BDP1: variants seen among roughly 807,000 people sequenced by gnomAD.
The protein encoded by BDP1 is BDP1 general transcription factor IIIB subunit.
In BDP1, 169 loss-of-function variants were observed where a neutral mutation model predicts 266.6. That is an observed-to-expected ratio of 0.63 (90% CI 0.56 to 0.72). The LOEUF (loss-of-function observed/expected upper bound fraction) is 0.72. BDP1 is among the 30% of genes least tolerant of loss of function. The pLI is 0.00. For synonymous variants in BDP1, 1,090 were observed against 1,022.4 expected, an observed-to-expected ratio of 1.07 and a Z score of -1.26; for missense variants, 3,015 against 3,053.8, an observed-to-expected ratio of 0.99 and a Z score of 0.30.
intron 33 of BDP1, 53 bp from the exon 34 acceptor site, chr5:71,549,367 C>A: frequency 7.6e-7 from 1 of 1,320,858 alleles, no homozygotes; most frequent in Non-Finnish European, 1.1e-6. Context: ...ATTAATGATA[C>A]TCTGTTATTT....
intron 29 of BDP1, 98 bp from the exon 30 acceptor site, chr5:71,542,007 T>C: frequency 1.0e-6 from 1 of 958,206 alleles, no homozygotes; most frequent in Non-Finnish European, 1.5e-6. Flanking sequence ...GTGTGGCACC[T>C]AACAGGTCAT....
chr5:71,533,053 T>C (rs276595), intron 26 of BDP1, among the ~76,000 whole-genome samples: 72,942 of 152,076 alleles, frequency 0.48, 17,767 homozygotes, highest in South Asian at 0.55. Flanking sequence ...TGTCTGGCTT[T>C]TTTCACTTAA....
At chr5:71,479,633 G>A (rs890694412) in intron 7 of BDP1, among the ~76,000 whole-genome samples, 16 of 151,168 alleles carry the variant, frequency 1.1e-4, no homozygotes, top group African/African-American at 3.2e-4. Context: ...TGCAAGCTCC[G>A]CCTCCCGGGT....
the BDP1 span, among the ~76,000 whole-genome samples, chr5:71,574,296 G>T: frequency 2.0e-5 from 3 of 152,168 alleles, no homozygotes; most frequent in Non-Finnish European, 2.9e-5. Flanking sequence ...CTTTGTCCTC[G>T]CTGTAACAAA....
chr5:71,538,333 T>C (rs1191652321), intron 26 of BDP1, among the ~76,000 whole-genome samples: 4 of 152,172 alleles, frequency 2.6e-5, no homozygotes, highest in African/African-American at 9.7e-5. Flanking sequence ...AGGTGGGACC[T>C]TGGGGACTGG....
intron 1 of BDP1, among the ~76,000 whole-genome samples, chr5:71,458,308 AG>A (rs539183173): frequency 2.0e-3 from 303 of 152,148 alleles, no homozygotes; most frequent in Non-Finnish European, 3.4e-3. Context: ...ATTTGTTTTG[AG>A]GGGGGTAAGC....
Position 71,466,111 on chromosome 5 carries a change from T to G in BDP1, c.675T>G (p.Ser225Arg), listed in dbSNP as rs369514992. 5.0e-5 allele frequency: 80 copies of G among 1,613,552 alleles called. No homozygotes were observed. The highest frequency in any genetic ancestry group is 6.3e-5 in the Non-Finnish European group (74 of 1,179,738). The change falls in exon 5 of 39, where the codon AGT (serine) becomes AGG (arginine). Residue 225 changes from serine to arginine, a missense_variant. Ser to Arg is a moderately radical substitution (Grantham distance 110). Coordinates refer to ENST00000358731, the MANE Select transcript of BDP1 (RefSeq NM_018429.3). Reference protein sequence around the residue: ...PVQTREQEGKSTPNAEDNEME... With the variant: ...PVQTREQEGKRTPNAEDNEME... Reference sequence around the variant, plus strand: ...TATGTGGTAGGCAAGAAGGTAAGAGTACTCCTAATGCTGAAGATAATGAAA... The same window carrying G: ...TATGTGGTAGGCAAGAAGGTAAGAGGACTCCTAATGCTGAAGATAATGAAA...
chr5:71,568,645 C>CA (rs1245381126), downstream of BDP1, among the ~76,000 whole-genome samples: 2 of 152,222 alleles, frequency 1.3e-5, no homozygotes, highest in Non-Finnish European at 2.9e-5. Context: ...CCCATGTCCT[C>CA]AGACCACTAG....
intron 36 of BDP1, 22 bp from the exon 37 acceptor site, chr5:71,559,960 C>T (rs1235173271): frequency 2.5e-6 from 4 of 1,610,144 alleles, no homozygotes; most frequent in Non-Finnish European, 3.4e-6. Flanking sequence ...TCCTTGCTTT[C>T]CATTTGCTCT....
At chr5:71,528,781 A>G (rs1396492134) in intron 25 of BDP1, among the ~76,000 whole-genome samples, 1 of 152,242 alleles carries the variant, frequency 6.6e-6, no homozygotes, top group African/African-American at 2.4e-5. Context: ...TAAAGATAGT[A>G]AATGTAAGCA....
chr5:71,482,673 T>A (rs1381763537), intron 7 of BDP1, among the ~76,000 whole-genome samples: 1 of 152,234 alleles, frequency 6.6e-6, no homozygotes, highest in Non-Finnish European at 1.5e-5. Context: ...TAGCACTGTT[T>A]TAGAATTAAA....
intron 31 of BDP1, 84 bp from the exon 32 acceptor site, chr5:71,544,955 G>A: frequency 9.7e-7 from 1 of 1,034,216 alleles, no homozygotes; most frequent in Non-Finnish European, 1.4e-6. Flanking sequence ...CATTGAATTA[G>A]ATGATCTTTT....
intron 22 of BDP1, among the ~76,000 whole-genome samples, chr5:71,521,622 T>C (rs975416301): frequency 6.6e-6 from 1 of 152,172 alleles, no homozygotes; most frequent in African/African-American, 2.4e-5. Context: ...CTAATTCAGA[T>C]CTTTGCCAGT....
intron 9 of BDP1, among the ~76,000 whole-genome samples, chr5:71,487,325 T>C (rs1038287965): frequency 2.0e-5 from 3 of 152,102 alleles, no homozygotes; most frequent in Non-Finnish European, 2.9e-5. Context: ...CACTGCAAGC[T>C]CCGCCTTCCG....
rs752724869 is a variant in BDP1, at chr5:71,522,980, A to G, written c.5387+31A>G. ...ATTTTATTTAACAAAATGTTTCACA[A>G]TAAGAAATAAAAATCACTTAACTTT... On this transcript the variant is annotated intron_variant, in intron 24 of 38. Coordinates refer to ENST00000358731, the MANE Select transcript of BDP1 (RefSeq NM_018429.3). 7 of 1,527,076 alleles carry G rather than the reference A, an allele frequency of 4.6e-6. No individual in the cohort carries two copies. In the Admixed American group the frequency reaches 8.7e-5, roughly 19 times the overall value. The allele number at this position is 1,527,076 out of a possible 1,614,324, so 94.6% of individuals were successfully genotyped here.
chr5:71,522,306 A>G lies in BDP1; in HGVS notation c.5009A>G (p.Tyr1670Cys), dbSNP rs867126360. ...CATTCTAGACATGAAAATAAACCGT[A>G]TGTTCCTAGTTCAGCACAAATGACA... ...NETIRHENKP[Y>C]VPSSAQMTRR... The change falls in exon 23 of 39, where the codon TAT becomes TGT. Residue 1670 changes from tyrosine (Y) to cysteine (C), a missense_variant. Physicochemically the swap from Tyr to Cys is radical, Grantham distance 194. This residue lies in a region of BDP1 where 2,383 missense variants were observed against 2,404.9 expected (regional missense o/e 0.99). Coordinates refer to ENST00000358731, the MANE Select transcript of BDP1 (RefSeq NM_018429.3). The G allele has an allele frequency of 1.9e-6, 3 of 1,613,222 alleles. No homozygotes were observed. Among genetic ancestry groups the G allele is most frequent in the Non-Finnish European group, 2.5e-6 (3 of 1,179,684 alleles).
rs778558838 is a variant in BDP1, at chr5:71,532,401, CAA to C, written c.5867_5868del (p.Gln1956ArgfsTer9). 1.2e-6 allele frequency: 2 copies of C among 1,613,400 alleles called. No individual in the cohort carries two copies. The highest frequency in any genetic ancestry group is 2.2e-5 in the East Asian group (1 of 44,782). ...AGATGTGACTACTGAAGAAATGAAA[CAA>C]GAAGAAAATTTGAGTGTACCGTTTG... is the stretch of plus-strand genomic sequence containing the variant. ...NTDVTTEEMK[Q>X]EENLSVPFEM... On this transcript the variant is annotated frameshift_variant, in exon 26 of 39. Transcript: ENST00000358731. LOFTEE classifies it high-confidence loss of function.
chr5:71,523,193 G>A (rs1019115132), intron 24 of BDP1, among the ~76,000 whole-genome samples: 4 of 152,172 alleles, frequency 2.6e-5, no homozygotes, highest in Admixed American at 2.0e-4. Context: ...AGAAACTTAA[G>A]TTCTAGAAAC....
intron 12 of BDP1, 98 bp from the exon 13 acceptor site, chr5:71,497,172 C>G (rs1409521615): frequency 2.8e-6 from 3 of 1,085,524 alleles, no homozygotes; most frequent in Non-Finnish European, 4.0e-6. Flanking sequence ...TAAGTAAGCT[C>G]TTAAAGGAGT....
Sources: allele counts gnomAD v4.1 joint callset (sites outside exome capture counted in the v4.1 genomes callset), GRCh38; gene constraint gnomAD v4.1.1; regional missense constraint gnomAD v4.1.1; transcripts MANE v1.5; gene names NCBI Gene and HGNC (gene_info 2026-07-23, HGNC 2026-07-21).